The following GLT1D1 variants were observed in gnomAD, a reference collection of about 807,000 sequenced individuals.
GLT1D1 encodes glycosyltransferase 1 domain-containing protein 1.
GLT1D1 carries 21 observed loss-of-function variants against 28.7 expected under a neutral mutation model. The ratio of observed to expected loss-of-function variants is 0.73; its 90% confidence interval spans 0.52 to 1.05. The LOEUF (loss-of-function observed/expected upper bound fraction) is 1.05. Ranked by LOEUF, GLT1D1 falls within the 50% of genes least tolerant of loss-of-function variation. The pLI, the probability that GLT1D1 is intolerant of heterozygous loss-of-function variation, is 0.00. For missense variants in GLT1D1, 343 were observed against 330.6 expected, an observed-to-expected ratio of 1.04 and a Z score of -0.29; for synonymous variants, 147 against 124.8, an observed-to-expected ratio of 1.18 and a Z score of -1.19.
intron 6 of GLT1D1, among the ~76,000 whole-genome samples, chr12:128,948,483 C>T (rs1437485255): frequency 6.6e-6 from 1 of 152,106 alleles, no homozygotes; most frequent in Non-Finnish European, 1.5e-5. Flanking sequence ...ACACACACTG[C>T]ACACGACAGA....
intron 7 of GLT1D1, among the ~76,000 whole-genome samples, chr12:128,962,632 C>T (rs57766252): frequency 0.35 from 52,856 of 152,042 alleles, 10,091 homozygotes; most frequent in Admixed American, 0.51. Flanking sequence ...TGTTGAAGAG[C>T]GGCTGAAAGT....
chr12:128,866,227 C>T (rs1391516369), intron 1 of GLT1D1, among the ~76,000 whole-genome samples: 16 of 146,346 alleles, frequency 1.1e-4, no homozygotes, highest in Non-Finnish European at 1.8e-4. Context: ...TGCCACCATG[C>T]GTGGCTAATT....
At chr12:128,898,593 T>C (rs1284955589) in intron 3 of GLT1D1, among the ~76,000 whole-genome samples, 2 of 152,248 alleles carry the variant, frequency 1.3e-5, no homozygotes, top group African/African-American at 4.8e-5. Flanking sequence ...ATTTGAATTA[T>C]TGATTTTGTC....
At chr12:128,908,623 T>G (rs1566122946) in intron 4 of GLT1D1, among the ~76,000 whole-genome samples, 1 of 150,446 alleles carries the variant, frequency 6.6e-6, no homozygotes. Context: ...TGGCTGGCGT[T>G]TCTGTGGGAC....
intron 4 of GLT1D1, among the ~76,000 whole-genome samples, chr12:128,924,093 T>G (rs972371772): frequency 6.6e-6 from 1 of 152,062 alleles, no homozygotes; most frequent in Non-Finnish European, 1.5e-5. Context: ...GAGCTCATAA[T>G]GTGTCCAGGG....
intron 7 of GLT1D1, among the ~76,000 whole-genome samples, chr12:128,968,569 A>G (rs1056551653): frequency 6.8e-6 from 1 of 147,526 alleles, no homozygotes; most frequent in African/African-American, 2.4e-5. Flanking sequence ...AGGCTGAGGC[A>G]TGAGAATCAC....
rs1321192939 is a variant in GLT1D1, at chr12:128,867,223, G to A, written c.69-8691G>A. Among the ~76,000 whole-genome samples the A allele has an allele frequency of 4.6e-5, 7 of 151,354 alleles. No homozygotes were observed. In the South Asian group the frequency reaches 6.2e-4, roughly 14 times the overall value. On this transcript the variant is annotated intron_variant, in intron 1 of 7. Coordinates refer to ENST00000281703, the MANE Select transcript of GLT1D1 (RefSeq NM_144669.3). ...AGCCTGAACAACATGGTGAAACCCC[G>A]TCTCTACTAAAAATACAAAATTAGC...
At chr12:128,956,085 A>G (rs965048651) in intron 6 of GLT1D1, among the ~76,000 whole-genome samples, 1 of 145,666 alleles carries the variant, frequency 6.9e-6, no homozygotes, top group East Asian at 2.1e-4. Flanking sequence ...CGTGAACCCG[A>G]GAGGCGGAGC....
chr12:128,950,545 A>G (rs910862558), intron 6 of GLT1D1, among the ~76,000 whole-genome samples: 1 of 152,238 alleles, frequency 6.6e-6, no homozygotes, highest in Admixed American at 6.5e-5. Flanking sequence ...GGTGGTTTCC[A>G]GCCCCAGGTA....
intron 7 of GLT1D1, among the ~76,000 whole-genome samples, chr12:128,961,344 G>T (rs1448836601): frequency 6.6e-6 from 1 of 152,188 alleles, no homozygotes; most frequent in African/African-American, 2.4e-5. Context: ...AAGGAGGTCA[G>T]CATATGGACC....
intron 6 of GLT1D1, among the ~76,000 whole-genome samples, chr12:128,952,469 CTTT>C (rs1555218596): frequency 1.7e-5 from 2 of 120,664 alleles, no homozygotes. Flanking sequence ...AAATTTCTTT[CTTT>C]TTTTTTTTTT....
intron 4 of GLT1D1, 39 bp from the exon 8 acceptor site, chr12:128,927,066 C>T: frequency 6.8e-7 from 1 of 1,471,340 alleles, no homozygotes; most frequent in Non-Finnish European, 9.2e-7. Context: ...GACTTAAACC[C>T]ATTTGAAGTG....
At chr12:128,879,434 C>CTTTCTTTT (rs1566096654) in intron 2 of GLT1D1, among the ~76,000 whole-genome samples, 2 of 102,318 alleles carry the variant, frequency 2.0e-5, no homozygotes, top group Non-Finnish European at 1.9e-5. Context: ...TTCTTTCTTT[C>CTTTCTTTT]TTTCTTTCTT....
intron 1 of GLT1D1, among the ~76,000 whole-genome samples, chr12:128,873,976 C>CTTTA: frequency 1.1e-5 from 1 of 89,600 alleles, no homozygotes; most frequent in African/African-American, 4.6e-5. Flanking sequence ...TTTTTCTTTT[C>CTTTA]TTTTCTCCTT....
intron 7 of GLT1D1, among the ~76,000 whole-genome samples, chr12:128,970,791 C>T (rs1261379901): frequency 1.3e-5 from 2 of 152,172 alleles, no homozygotes; most frequent in African/African-American, 2.4e-5. Flanking sequence ...CCTCTGTCCC[C>T]GCACCTGTGT....
intron 4 of GLT1D1, among the ~76,000 whole-genome samples, chr12:128,939,005 AG>A (rs1874843319): frequency 1.3e-5 from 2 of 152,074 alleles, no homozygotes; most frequent in Non-Finnish European, 2.9e-5. Context: ...ACAGCACCCT[AG>A]GAAGGTCCTC....
At chr12:128,876,169 G>GA in intron 2 of GLT1D1, 107 bp downstream of exon 2, 1 of 957,934 alleles carries the variant, frequency 1.0e-6, no homozygotes, top group Non-Finnish European at 1.5e-6. Flanking sequence ...ATCCAGTTCA[G>GA]AAATGGGAGA....
intron 6 of GLT1D1, among the ~76,000 whole-genome samples, chr12:128,957,339 T>C (rs1393508862): frequency 3.3e-5 from 5 of 152,224 alleles, no homozygotes; most frequent in African/African-American, 1.2e-4. Flanking sequence ...GTTTCAGAGC[T>C]TCCAAACATA....
rs760952252 is a variant in GLT1D1, at chr12:128,947,389, G to A, written c.471G>A (p.Ala157=). The change falls in exon 6 of 8, where the codon GCG becomes GCA. Residue 157 remains alanine (A), a synonymous_variant. Coordinates refer to ENST00000281703, the MANE Select transcript of GLT1D1 (RefSeq NM_144669.3). ...AGATGCCTCAAGAAGATCTGCACGC[G>A]GTGGTGAAGAATTGCTTCGCGGTGG... The A allele has an allele frequency of 2.0e-5, 33 of 1,614,018 alleles. No homozygotes were observed. In the Middle Eastern group the frequency reaches 6.6e-4, roughly 32 times the overall value.
Sources: gnomAD v4.1 joint callset for allele counts (sites outside exome capture counted in the v4.1 genomes callset) on GRCh38, gnomAD v4.1.1 for gene constraint, MANE v1.5 for transcripts, NCBI Gene and HGNC (gene_info 2026-07-23, HGNC 2026-07-21) for gene names.